Variants in HYCC1 observed in about 807,000 individuals in gnomAD.
The protein encoded by HYCC1 is hyccin.
the HYCC1 span, among the ~76,000 whole-genome samples, chr7:22,994,495 T>C: frequency 6.6e-6 from 1 of 152,084 alleles, no homozygotes; most frequent in African/African-American, 2.4e-5. Flanking sequence ...TTGGTGAAAA[T>C]TTGCCAAGCT....
chr7:23,007,827 A>G, the HYCC1 span, among the ~76,000 whole-genome samples: 1 of 152,116 alleles, frequency 6.6e-6, no homozygotes. Context: ...CAATAGGTAA[A>G]AGAAGGAAAA....
the HYCC1 span, among the ~76,000 whole-genome samples, chr7:23,001,556 T>C: frequency 6.6e-6 from 1 of 152,202 alleles, no homozygotes; most frequent in Non-Finnish European, 1.5e-5. Flanking sequence ...AAGTAAATTA[T>C]TCAGATGATT....
the HYCC1 span, among the ~76,000 whole-genome samples, chr7:22,920,330 A>G: frequency 6.6e-6 from 1 of 152,154 alleles, no homozygotes; most frequent in East Asian, 1.9e-4. Flanking sequence ...TGAGACCTGT[A>G]TTTAAAAAAT....
At chr7:22,966,669 C>T in the HYCC1 span, among the ~76,000 whole-genome samples, 6 of 152,148 alleles carry the variant, frequency 3.9e-5, no homozygotes, top group Non-Finnish European at 8.8e-5. Flanking sequence ...GCACTGACTA[C>T]CTAGAACTTA....
the HYCC1 span, among the ~76,000 whole-genome samples, chr7:22,970,463 C>T: frequency 6.6e-6 from 1 of 152,230 alleles, no homozygotes; most frequent in Middle Eastern, 3.4e-3. Flanking sequence ...ACAAAAAGTT[C>T]CTGACCTCTT....
At chr7:22,960,540 A>G in the HYCC1 span, 2 of 746,914 alleles carry the variant, frequency 2.7e-6, no homozygotes, top group African/African-American at 3.5e-5. Flanking sequence ...GCATTTTATA[A>G]GATGATACAG....
At chr7:22,995,040 CT>C in the HYCC1 span, among the ~76,000 whole-genome samples, 1 of 152,164 alleles carries the variant, frequency 6.6e-6, no homozygotes, top group Non-Finnish European at 1.5e-5. Flanking sequence ...TTGCTTTCTT[CT>C]TTTCATGAGA....
chr7:22,934,197 CTTTTTTTTCTTTTT>C, the HYCC1 span: 2 of 99,802 alleles, frequency 2.0e-5, no homozygotes, highest in Non-Finnish European at 4.0e-5. Flanking sequence ...GTTTCCGCCT[CTTTTTTTTCTTTTT>C]TTTTTTTTTT....
At chr7:22,919,323 G>A in the HYCC1 span, among the ~76,000 whole-genome samples, 10 of 152,322 alleles carry the variant, frequency 6.6e-5, no homozygotes, top group African/African-American at 9.6e-5. Flanking sequence ...GAAGTTGAGC[G>A]TTTGAGACCA....
the HYCC1 span, among the ~76,000 whole-genome samples, chr7:22,958,167 C>A: frequency 2.0e-5 from 3 of 151,958 alleles, no homozygotes; most frequent in Non-Finnish European, 4.4e-5. Context: ...GAAGCAGGAC[C>A]ATGAGGATGG....
the HYCC1 span, chr7:22,983,831 T>C: frequency 8.5e-6 from 6 of 702,752 alleles, no homozygotes; most frequent in Non-Finnish European, 1.3e-5. Context: ...TTCATTTCAG[T>C]ATTGTTCTTT....
At chr7:22,955,287 C>G in the HYCC1 span, among the ~76,000 whole-genome samples, 2 of 151,404 alleles carry the variant, frequency 1.3e-5, no homozygotes, top group Admixed American at 1.3e-4. Flanking sequence ...CTAATAAAAA[C>G]TTATTAAGAA....
chr7:22,994,347 T>C, the HYCC1 span, among the ~76,000 whole-genome samples: 13 of 152,196 alleles, frequency 8.5e-5, no homozygotes, highest in South Asian at 2.1e-4. Context: ...ATTACATTTA[T>C]GTAAATTTCA....
chr7:22,903,333 C>T, the HYCC1 span, among the ~76,000 whole-genome samples: 1 of 150,938 alleles, frequency 6.6e-6, no homozygotes, highest in Admixed American at 6.6e-5. Flanking sequence ...TGACAAACTT[C>T]TTGTAATGAA....
the HYCC1 span, among the ~76,000 whole-genome samples, chr7:22,926,006 C>G: frequency 0.65 from 98,182 of 151,986 alleles, 31,700 homozygotes; most frequent in Non-Finnish European, 0.66. Flanking sequence ...CTACAAGCCA[C>G]AAAAGAGTGG....
At chr7:23,008,692 T>A in the HYCC1 span, among the ~76,000 whole-genome samples, 45,826 of 151,654 alleles carry the variant, frequency 0.3, 7,080 homozygotes, top group Admixed American at 0.37. Context: ...TTAAACTAAA[T>A]AGAAAAACCT....
chr7:22,971,700 G>A, the HYCC1 span, among the ~76,000 whole-genome samples: 2 of 150,816 alleles, frequency 1.3e-5, no homozygotes. Context: ...AAAAAAAAGA[G>A]GGGCAGAGAG....
At chr7:22,961,188 G>T in the HYCC1 span, 1 of 1,243,554 alleles carries the variant, frequency 8.0e-7, no homozygotes, top group South Asian at 1.2e-5. Flanking sequence ...GTTCTAAATT[G>T]AGAAATCTTA....
At chr7:22,945,347 A>G in the HYCC1 span, 1 of 554,556 alleles carries the variant, frequency 1.8e-6, no homozygotes, top group Non-Finnish European at 3.2e-6. Context: ...AATAACAAAT[A>G]AGAGGAGGGA....
Sources: allele counts gnomAD v4.1 joint callset (sites outside exome capture counted in the v4.1 genomes callset), GRCh38; gene constraint gnomAD v4.1.1; transcripts MANE v1.5; gene names NCBI Gene and HGNC (gene_info 2026-07-23, HGNC 2026-07-21).